FBXO41: variants seen among roughly 807,000 people sequenced by gnomAD.
FBXO41 encodes F-box protein 41, also known as F-box only protein 41.
In FBXO41, 33 loss-of-function variants were observed where a neutral mutation model predicts 81.6. That is an observed-to-expected ratio of 0.40 (90% CI 0.31 to 0.54). FBXO41 has a LOEUF of 0.54. FBXO41 is among the 20% of genes least tolerant of loss of function. The probability of loss-of-function intolerance (pLI) is 0.39; values close to 1 mark genes in which losing one functional copy is unlikely to be tolerated. For synonymous variants in FBXO41, 576 were observed against 552.7 expected, an observed-to-expected ratio of 1.04 and a Z score of -0.59; for missense variants, 1,107 against 1,236.0, an observed-to-expected ratio of 0.90 and a Z score of 1.56.
intron 1 of FBXO41, among the ~76,000 whole-genome samples, chr2:73,279,359 G>A (rs1457493695): frequency 2.6e-5 from 4 of 152,102 alleles, no homozygotes; most frequent in Non-Finnish European, 5.9e-5. Context: ...ATTGCAACAC[G>A]GAGCCAAAAA....
At position 73,264,637 on chromosome 2, in the gene FBXO41, G is replaced by C. The variant is rs1373182516; in HGVS notation, c.1565-118C>G. On this transcript the variant is annotated intron_variant, in intron 5 of 12. Transcript: ENST00000520530. ...AGGAATGGACATGCTGTGGTACCAGGGCCTAGGGAGGAAGGAAAAGGGGCC... is the reference window on the plus strand; with the variant it reads ...AGGAATGGACATGCTGTGGTACCAGCGCCTAGGGAGGAAGGAAAAGGGGCC... 4 of 1,438,316 alleles carry C rather than the reference G, an allele frequency of 2.8e-6. No homozygotes were observed. In the African/African-American group the frequency reaches 4.2e-5, roughly 15 times the overall value. The allele number at this position is 1,438,316 out of a possible 1,614,324, so 89.1% of individuals were successfully genotyped here.
Position 73,256,691 on chromosome 2 carries a change from G to A in FBXO41, c.*2291C>T, listed in dbSNP as rs949417910. ...GTTCACCCCTCTGCCTCTAGTGCAG[G>A]TGGTGCTCAGTACTGTTGCACTAAT... On this transcript the variant is annotated 3_prime_UTR_variant, in exon 13 of 13. Coordinates refer to ENST00000520530, the MANE Select transcript of FBXO41 (RefSeq NM_001371389.2). 6.6e-6 allele frequency: 1 copy of A among 152,204 alleles called. No individual in the cohort carries two copies. Among genetic ancestry groups the A allele is most frequent in the Non-Finnish European group, 1.5e-5 (1 of 68,054 alleles). The allele number at this position is 152,204 out of a possible 1,614,324, so 9.4% of individuals were successfully genotyped here.
At chr2:73,278,916 A>G (rs1043301740) in intron 1 of FBXO41, among the ~76,000 whole-genome samples, 3 of 152,212 alleles carry the variant, frequency 2.0e-5, no homozygotes, top group Non-Finnish European at 4.4e-5. Flanking sequence ...CACTTCTAAC[A>G]GTGCCTGGCA....
intron 2 of FBXO41, among the ~76,000 whole-genome samples, chr2:73,267,312 C>T (rs747388597): frequency 6.6e-6 from 1 of 152,182 alleles, no homozygotes; most frequent in Non-Finnish European, 1.5e-5. Context: ...ACCACCGACA[C>T]AGTCAAACAT....
Position 73,269,469 on chromosome 2 carries a change from G to A in FBXO41, c.162C>T (p.Ala54=). The change falls in exon 2 of 13, where the codon GCC becomes GCT. Residue 54 remains alanine (A), a synonymous_variant. Transcript: ENST00000520530. The surrounding 1 kb of genome is among the most constrained non-coding windows in gnomAD (Gnocchi z 7.0). ...TNSICDGAAA[A]AAAAAAASGF... is the part of the protein sequence containing the mutation. ...CCGAGGCAGCGGCGGCGGCGGCCGCGGCGGCGGCGGCGCCGTCGCAGATGC... is the reference window on the plus strand; with the variant it reads ...CCGAGGCAGCGGCGGCGGCGGCCGCAGCGGCGGCGGCGCCGTCGCAGATGC... 1.4e-5 allele frequency: 18 copies of A among 1,248,850 alleles called. No individual in the cohort carries two copies. In the South Asian group the frequency reaches 2.2e-4, roughly 15 times the overall value. The allele number at this position is 1,248,850 out of a possible 1,614,324, so 77.4% of individuals were successfully genotyped here.
In FBXO41 at chr2:73,266,135, G is replaced by A. The variant is rs1688266150; in HGVS notation, c.1132-169C>T. Among the ~76,000 whole-genome samples, 1 of 152,140 alleles carries A rather than the reference G, an allele frequency of 6.6e-6. No individual in the cohort carries two copies. The highest frequency in any genetic ancestry group is 2.4e-5 in the African/African-American group (1 of 41,418). ...AATGGACAGACAGACAGCCCAGAGAGGCAGGCTTACCAGCCCCTCCCCACA... is the reference window on the plus strand; with the variant it reads ...AATGGACAGACAGACAGCCCAGAGAAGCAGGCTTACCAGCCCCTCCCCACA... On this transcript the variant is annotated intron_variant, in intron 3 of 12. Transcript: ENST00000520530. This position sits in a 1 kb window ranked among gnomAD's most constrained non-coding sequence, Gnocchi z 5.3.
rs1362433021 is a variant in FBXO41 at position 73,284,273 on chromosome 2, C to G, written c.-252G>C. 2 of 152,134 alleles carry G rather than the reference C, an allele frequency of 1.3e-5. No individual in the cohort carries two copies. Among genetic ancestry groups the G allele is most frequent in the African/African-American group, 2.4e-5 (1 of 41,428 alleles). 9.4% of individuals were successfully genotyped at this position (152,134 alleles called of 1,614,324 possible). A position where few individuals can be genotyped will look rare whatever the true frequency, so the allele number is the denominator to read the frequency against. On this transcript the variant is annotated 5_prime_UTR_variant, in exon 1 of 13. Transcript: ENST00000520530. This position sits in a 1 kb window ranked among gnomAD's most constrained non-coding sequence, Gnocchi z 7.4. ...GCCTTGGGGCCTCGGATCTCGTTCC[C>G]CTCCGCAGCCTTGGGTGGCCGCCGC...
In FBXO41 at chr2:73,256,313, T is replaced by C. The variant is rs1687809964; in HGVS notation, c.*2669A>G. The C allele has an allele frequency of 6.6e-6, 1 of 152,266 alleles. No individual in the cohort carries two copies. The highest frequency in any genetic ancestry group is 6.5e-5 in the Admixed American group (1 of 15,278). 9.4% of individuals were successfully genotyped at this position (152,266 alleles called of 1,614,324 possible). ...GTTCCCATCCTCAGCCCTAGCTGTA[T>C]GGTCACCAAAAAAATCCATGCATAG... On this transcript the variant is annotated 3_prime_UTR_variant, in exon 13 of 13. Coordinates refer to ENST00000520530, the MANE Select transcript of FBXO41 (RefSeq NM_001371389.2).
Position 73,266,003 on chromosome 2 carries a change from C to T in FBXO41, c.1132-37G>A, listed in dbSNP as rs368265254. On this transcript the variant is annotated intron_variant, in intron 3 of 12. Transcript: ENST00000520530. This position sits in a 1 kb window ranked among gnomAD's most constrained non-coding sequence, Gnocchi z 5.3. Reference sequence around the variant, plus strand: ...CAGAGCAGGAGGTAAAGGAGAGGGGCGGAGGAGGCAAGAGGATGAGCAGGA... The same window carrying T: ...CAGAGCAGGAGGTAAAGGAGAGGGGTGGAGGAGGCAAGAGGATGAGCAGGA... 5.1e-5 allele frequency: 79 copies of T among 1,539,894 alleles called. No individual in the cohort carries two copies. The highest frequency in any genetic ancestry group is 1.2e-4 in the Admixed American group (6 of 51,178).
chr2:73,275,221 C>T (rs927525320), intron 1 of FBXO41, among the ~76,000 whole-genome samples: 1 of 147,974 alleles, frequency 6.8e-6, no homozygotes, highest in Non-Finnish European at 1.5e-5. Flanking sequence ...ACTTTGTCGC[C>T]CAGGTTGGAG....
intron 1 of FBXO41, chr2:73,270,805 CTCCATCCCAT>C (rs1160151960): frequency 1.9e-6 from 1 of 534,272 alleles, no homozygotes; most frequent in Non-Finnish European, 3.8e-6. Context: ...CTTGTGGGGT[CTCCATCCCAT>C]TCCTCACTGC....
chr2:73,269,164 T>G lies in FBXO41; in HGVS notation c.467A>C (p.Glu156Ala). 2 of 1,523,866 alleles carry G rather than the reference T, an allele frequency of 1.3e-6. No individual in the cohort carries two copies. The highest frequency in any genetic ancestry group is 1.8e-6 in the Non-Finnish European group (2 of 1,141,010). 94.4% of individuals were successfully genotyped at this position (1,523,866 alleles called of 1,614,324 possible). A position where few individuals can be genotyped will look rare whatever the true frequency, so the allele number is the denominator to read the frequency against. The change falls in exon 2 of 13, where the codon GAG becomes GCG. Residue 156 changes from glutamate (E) to alanine (A), a missense_variant. Transcript: ENST00000520530. This position sits in a 1 kb window ranked among gnomAD's most constrained non-coding sequence, Gnocchi z 7.0. ...ALREIEIPLG[E>A]LFARKSVASS... ...CGCCACGGACTTGCGGGCGAACAGC[T>G]CCCCCAGCGGGATCTCGATCTCGCG...
In FBXO41 at chr2:73,260,517, T is replaced by C. The variant is rs1485656710; in HGVS notation, c.2321A>G (p.Glu774Gly). 6.3e-7 allele frequency: 1 copy of C among 1,599,652 alleles called. No homozygotes were observed. Among genetic ancestry groups the C allele is most frequent in the Admixed American group, 1.7e-5 (1 of 57,932 alleles). ...GGTGATCTCTGACACGTGGTCAAGC[T>C]CCAGGACCTGCAGCCGCATGCAGTT... is the stretch of plus-strand genomic sequence containing the variant. ...ARNCMRLQVL[E>G]LDHVSEITQE... The change falls in exon 11 of 13, where the codon GAG (glutamate) becomes GGG (glycine). Residue 774 changes from glutamate (E) to glycine (G), a missense_variant. By Grantham distance (98) the Glu-to-Gly change is moderately conservative. Transcript: ENST00000520530. This position sits in a 1 kb window ranked among gnomAD's most constrained non-coding sequence, Gnocchi z 5.0.
intron 1 of FBXO41, chr2:73,271,633 C>CA (rs796654075): frequency 2.7e-5 from 4 of 147,980 alleles, no homozygotes; most frequent in African/African-American, 1.0e-4. Flanking sequence ...TCCCCCCCCC[C>CA]CAACTTCTTT....
At chr2:73,276,558 TTCA>T (rs1278508228) in intron 1 of FBXO41, among the ~76,000 whole-genome samples, 84 of 106,082 alleles carry the variant, frequency 7.9e-4, no homozygotes, top group Middle Eastern at 6.0e-3. Context: ...GGCAAATCTA[TTCA>T]GAGAGAGAGA....
Position 73,266,877 on chromosome 2 carries a change from T to C in FBXO41, c.906-195A>G. The C allele has an allele frequency of 1.2e-6, 1 of 814,016 alleles. No homozygotes were observed. The highest frequency in any genetic ancestry group is 3.4e-5 in the East Asian group (1 of 29,688). 50.4% of individuals were successfully genotyped at this position (814,016 alleles called of 1,614,324 possible). A position where few individuals can be genotyped will look rare whatever the true frequency, so the allele number is the denominator to read the frequency against. On this transcript the variant is annotated intron_variant, in intron 2 of 12. Coordinates refer to ENST00000520530, the MANE Select transcript of FBXO41 (RefSeq NM_001371389.2). This position sits in a 1 kb window ranked among gnomAD's most constrained non-coding sequence, Gnocchi z 5.3. The stretch of plus-strand genomic sequence containing the variant: ...CACATACAGAAATGCATGCATGCAC[T>C]CCGAGCCACACACTCACACCCCACC...
intron 5 of FBXO41, among the ~76,000 whole-genome samples, chr2:73,264,762 A>C (rs1406383369): frequency 6.6e-6 from 1 of 152,066 alleles, no homozygotes; most frequent in Non-Finnish European, 1.5e-5. Context: ...ATATCATTCA[A>C]ACTCACCCCC....
chr2:73,266,469 G>T lies in FBXO41; in HGVS notation c.1119C>A (p.Gly373=). ...GGGGAGPNAR[G]PGRMREHHVG... ...GGTGGGCACTCACCATTCTGCCTGGGCCCCGGGCATTGGGTCCAGCACCAC... is the reference window on the plus strand; with the variant it reads ...GGTGGGCACTCACCATTCTGCCTGGTCCCCGGGCATTGGGTCCAGCACCAC... The change falls in exon 3 of 13, where the codon GGC becomes GGA. Residue 373 remains glycine, a synonymous_variant. Transcript: ENST00000520530. The surrounding 1 kb of genome is among the most constrained non-coding windows in gnomAD (Gnocchi z 5.3). 1 of 1,522,704 alleles carries T rather than the reference G, an allele frequency of 6.6e-7. No homozygotes were observed. Among genetic ancestry groups the T allele is most frequent in the Non-Finnish European group, 8.9e-7 (1 of 1,128,898 alleles). The allele number at this position is 1,522,704 out of a possible 1,614,324, so 94.3% of individuals were successfully genotyped here.
rs3817459 is a variant in FBXO41, at chr2:73,256,641, G to A, written c.*2341C>T. 0.24 allele frequency: 36,557 copies of A among 152,224 alleles called. 4,912 individuals carry two copies. The highest frequency in any genetic ancestry group is 0.35 in the East Asian group (1,822 of 5,174). 9.4% of individuals were successfully genotyped at this position (152,224 alleles called of 1,614,324 possible). On this transcript the variant is annotated 3_prime_UTR_variant, in exon 13 of 13. Transcript: ENST00000520530. ...ATAGCCAAACCCATGGGAAGTGGAC[G>A]TCCCCCCAGGCAGAAGGGTATCTTG...
Sources: gnomAD v4.1 joint callset for allele counts (sites outside exome capture counted in the v4.1 genomes callset) on GRCh38, gnomAD v4.1.1 for gene constraint, Gnocchi (gnomAD v3.1) non-coding constraint, MANE v1.5 for transcripts, NCBI Gene and HGNC (gene_info 2026-07-23, HGNC 2026-07-21) for gene names.